DAB1: variants seen among roughly 807,000 people sequenced by gnomAD.
DAB1 encodes the protein DAB adaptor protein 1.
Under a neutral mutation model 64.6 loss-of-function variants are expected in DAB1, and 15 were observed. The ratio of observed to expected loss-of-function variants is 0.23; its 90% confidence interval spans 0.16 to 0.36. The LOEUF (loss-of-function observed/expected upper bound fraction) is 0.36. Among genes scored for constraint, DAB1 ranks in the 10% least tolerant of loss-of-function variants. The pLI, the probability that DAB1 is intolerant of heterozygous loss-of-function variation, is 1.00. For synonymous variants in DAB1, 235 were observed against 251.9 expected, an observed-to-expected ratio of 0.93 and a Z score of 0.64; for missense variants, 596 against 706.7, an observed-to-expected ratio of 0.84 and a Z score of 1.78.
Position 58,445,059 on chromosome 1 carries a change from C to T in DAB1, n.257+61001G>A, listed in dbSNP as rs1645050491. ...CTAGCTTGACCAACCATCCCAGGTT[C>T]CCTGGGGCTAAGGGATTGCCCACGA... On this transcript the variant is annotated intron_variant and non_coding_transcript_variant, in intron 3 of 20. Coordinates refer to the DAB1 transcript ENST00000485760. Among the ~76,000 whole-genome samples, 3 of 152,290 alleles carry T rather than the reference C, an allele frequency of 2.0e-5. No individual in the cohort carries two copies. In the South Asian group the frequency reaches 6.2e-4, roughly 32 times the overall value.
intron 7 of DAB1, among the ~76,000 whole-genome samples, chr1:57,535,161 G>A (rs1053085975): frequency 2.0e-5 from 3 of 152,012 alleles, no homozygotes; most frequent in Admixed American, 1.3e-4. Flanking sequence ...ACCTCTTGAG[G>A]TTAAATACAA....
intron 4 of DAB1, among the ~76,000 whole-genome samples, chr1:57,100,439 C>T (rs981482628): frequency 2.6e-5 from 4 of 152,132 alleles, no homozygotes; most frequent in Admixed American, 2.6e-4. Flanking sequence ...TGTCTAGGCA[C>T]TGGTTAATAC....
chr1:57,484,970 GA>G (rs1377053744), intron 7 of DAB1, among the ~76,000 whole-genome samples: 2 of 152,216 alleles, frequency 1.3e-5, no homozygotes, highest in East Asian at 3.8e-4. Context: ...CAGAGAGACT[GA>G]GTGGAGGTAT....
intron 1 of DAB1, among the ~76,000 whole-genome samples, chr1:57,416,037 A>C (rs1684468944): frequency 6.6e-6 from 1 of 152,194 alleles, no homozygotes; most frequent in Admixed American, 6.5e-5. Flanking sequence ...TCTCCCACAC[A>C]GCCATGATTT....
At chr1:58,437,341 T>C (rs187827423) in intron 3 of DAB1, among the ~76,000 whole-genome samples, 92 of 151,986 alleles carry the variant, frequency 6.1e-4, no homozygotes, top group Non-Finnish European at 1.1e-3. Flanking sequence ...TGCAAAAGAA[T>C]GAACAGAGGA....
At chr1:58,479,834 G>C (rs867666223) in intron 3 of DAB1, among the ~76,000 whole-genome samples, 3 of 152,056 alleles carry the variant, frequency 2.0e-5, no homozygotes, top group Admixed American at 6.6e-5. Flanking sequence ...GTAACTTCTC[G>C]AAGCCTATTT....
At chr1:57,143,742 T>C (rs1311106517) in intron 3 of DAB1, among the ~76,000 whole-genome samples, 2 of 152,050 alleles carry the variant, frequency 1.3e-5, no homozygotes, top group Non-Finnish European at 2.9e-5. Context: ...ACTCAGCATC[T>C]ATGAAAGTAA....
intron 6 of DAB1, among the ~76,000 whole-genome samples, chr1:57,817,826 C>T (rs1441675653): frequency 6.6e-6 from 1 of 152,182 alleles, no homozygotes; most frequent in Non-Finnish European, 1.5e-5. Context: ...GGACAGAGCT[C>T]ATATTCCAAA....
At chr1:58,188,225 T>C (rs1341856798) in intron 4 of DAB1, among the ~76,000 whole-genome samples, 2 of 152,314 alleles carry the variant, frequency 1.3e-5, no homozygotes, top group East Asian at 3.9e-4. Flanking sequence ...TGCATTTTTA[T>C]AGTGTGTAAA....
intron 3 of DAB1, among the ~76,000 whole-genome samples, chr1:58,503,353 A>C (rs1030757761): frequency 6.6e-6 from 1 of 152,174 alleles, no homozygotes; most frequent in African/African-American, 2.4e-5. Context: ...AGAAATACAT[A>C]ATGTCCCATG....
intron 6 of DAB1, among the ~76,000 whole-genome samples, chr1:57,749,192 C>A (rs1355793985): frequency 6.6e-6 from 1 of 152,168 alleles, no homozygotes; most frequent in African/African-American, 2.4e-5. Context: ...ATCTATTCTG[C>A]ATAAGGCAGT....
chr1:57,784,154 C>T (rs777613029), intron 6 of DAB1, among the ~76,000 whole-genome samples: 3 of 152,070 alleles, frequency 2.0e-5, no homozygotes, highest in East Asian at 1.9e-4. Flanking sequence ...AGCTTGAGCT[C>T]GAACTGGAGG....
At chr1:57,585,051 C>A (rs1332473002) in intron 7 of DAB1, among the ~76,000 whole-genome samples, 2 of 148,322 alleles carry the variant, frequency 1.3e-5, no homozygotes, top group African/African-American at 4.9e-5. Context: ...GAGTTCGAGA[C>A]CAGCCTGGCC....
At chr1:58,460,284 A>G (rs1355007477) in intron 3 of DAB1, among the ~76,000 whole-genome samples, 2 of 152,176 alleles carry the variant, frequency 1.3e-5, no homozygotes, top group Non-Finnish European at 2.9e-5. Flanking sequence ...CCAGTAGGAC[A>G]TATCTGTGGT....
intron 9 of DAB1, among the ~76,000 whole-genome samples, chr1:57,050,142 A>C (rs1239538438): frequency 6.6e-6 from 1 of 152,122 alleles, no homozygotes; most frequent in Non-Finnish European, 1.5e-5. Context: ...CCGCTCTTCT[A>C]ACACCTTTGT....
chr1:57,923,097 C>T (rs2102025791), intron 5 of DAB1, among the ~76,000 whole-genome samples: 1 of 151,312 alleles, frequency 6.6e-6, no homozygotes, highest in South Asian at 2.1e-4. Flanking sequence ...CCTAGAATAA[C>T]CCCATGTCAA....
intron 2 of DAB1, among the ~76,000 whole-genome samples, chr1:57,260,467 C>G (rs1047762855): frequency 2.0e-5 from 3 of 152,168 alleles, no homozygotes; most frequent in African/African-American, 7.2e-5. Context: ...CATCCGGATT[C>G]CACATCCAGC....
intron 1 of DAB1, among the ~76,000 whole-genome samples, chr1:57,351,454 C>T (rs888057934): frequency 6.6e-6 from 1 of 152,088 alleles, no homozygotes; most frequent in African/African-American, 2.4e-5. Flanking sequence ...GGGAGTTGAA[C>T]ATTCAAGTCA....
At chr1:58,142,256 G>A (rs149061756) in intron 5 of DAB1, among the ~76,000 whole-genome samples, 217 of 152,272 alleles carry the variant, frequency 1.4e-3, no homozygotes, top group Middle Eastern at 0.014. Flanking sequence ...TGGTCTCTCA[G>A]TCAGACAAGG....
Sources: allele counts gnomAD v4.1 joint callset (sites outside exome capture counted in the v4.1 genomes callset), GRCh38; gene constraint gnomAD v4.1.1; transcripts MANE v1.5; gene names NCBI Gene and HGNC (gene_info 2026-07-23, HGNC 2026-07-21).